The following SLF2 variants were observed in gnomAD, a reference collection of about 807,000 sequenced individuals.
SLF2 encodes the protein SMC5-SMC6 complex localization factor protein 2.
A neutral mutation model predicts 124.3 loss-of-function variants in SLF2; 68 were observed. The observed-to-expected ratio is 0.55, with a 90% CI of 0.45 to 0.67. SLF2 has a LOEUF of 0.67. SLF2 is among the 30% of genes least tolerant of loss of function. The probability of loss-of-function intolerance (pLI) is 0.00; values close to 1 mark genes in which losing one functional copy is unlikely to be tolerated. For missense variants in SLF2, 1,246 were observed against 1,373.7 expected, an observed-to-expected ratio of 0.91 and a Z score of 1.47; for synonymous variants, 480 against 478.8, an observed-to-expected ratio of 1.00 and a Z score of -0.03.
In SLF2 at chr10:100,913,027, T is replaced by C. The variant is rs1379542932; in HGVS notation, c.-84T>C. 8 of 1,489,806 alleles carry C rather than the reference T, an allele frequency of 5.4e-6. No homozygotes were observed. The African/African-American group carries it at 8.3e-5, about 16-fold the overall frequency. The allele number at this position is 1,489,806 out of a possible 1,614,324, so 92.3% of individuals were successfully genotyped here. A position where few individuals can be genotyped will look rare whatever the true frequency, so the allele number is the denominator to read the frequency against. ...GCCGCCCACCTCTGCTCCGACAGCCTCCCGGAGTCCCAGCAGCAAGACGGC... is the reference window on the plus strand; with the variant it reads ...GCCGCCCACCTCTGCTCCGACAGCCCCCCGGAGTCCCAGCAGCAAGACGGC... On this transcript the variant is annotated 5_prime_UTR_variant, in exon 1 of 20. Coordinates refer to ENST00000238961, the MANE Select transcript of SLF2 (RefSeq NM_018121.4).
chr10:100,941,988 T>C (rs1047666652), intron 11 of SLF2, among the ~76,000 whole-genome samples: 1 of 152,200 alleles, frequency 6.6e-6, no homozygotes, highest in African/African-American at 2.4e-5. Context: ...TGCAAAGGTA[T>C]GTAATATACT....
chr10:100,924,331 T>C lies in SLF2; in HGVS notation c.1330T>C (p.Ser444Pro). ...TKMQKPHLPLSQEKSAIKKAS... is the reference protein window; with the variant it reads ...TKMQKPHLPLPQEKSAIKKAS... ...GATGCAGAAACCCCACTTACCTTTA[T>C]CTCAGGAAAAGTCTGCAATTAAAAA... Residue 444 changes from serine to proline, a missense_variant, in exon 5 of 20, where the codon TCT (serine) becomes CCT (proline). Coordinates refer to ENST00000238961, the MANE Select transcript of SLF2 (RefSeq NM_018121.4). 6.2e-7 allele frequency: 1 copy of C among 1,613,982 alleles called. No individual in the cohort carries two copies. Among genetic ancestry groups the C allele is most frequent in the Non-Finnish European group, 8.5e-7 (1 of 1,179,992 alleles).
In SLF2 at chr10:100,957,443, C is replaced by T. The variant is rs368813012; in HGVS notation, c.3417+906C>T. The stretch of plus-strand genomic sequence containing the variant: ...TCGACTCACTGCAACCCCCGCCTTC[C>T]AGGTTCAAGCGATTCTCCTGCCTCA... On this transcript the variant is annotated intron_variant, in intron 18 of 19. Coordinates refer to ENST00000238961, the MANE Select transcript of SLF2 (RefSeq NM_018121.4). Among the ~76,000 whole-genome samples the T allele has an allele frequency of 3.0e-3, 428 of 143,828 alleles. 3 individuals carry two copies. Among genetic ancestry groups the T allele is most frequent in the South Asian group, 0.015 (68 of 4,542 alleles). 94.4% of individuals were successfully genotyped at this position (143,828 alleles called of 152,430 possible).
At chr10:100,959,565 GAAATA>G in intron 19 of SLF2, 69 bp downstream of exon 19, 1 of 1,558,282 alleles carries the variant, frequency 6.4e-7, no homozygotes, top group South Asian at 1.2e-5. Context: ...CATACTGTTT[GAAATA>G]AAATAGGGTA....
intron 9 of SLF2, among the ~76,000 whole-genome samples, chr10:100,933,433 G>A (rs544338964): frequency 3.9e-5 from 6 of 152,076 alleles, no homozygotes; most frequent in Non-Finnish European, 8.8e-5. Context: ...TTACCAACTT[G>A]TAAGTAGTTT....
chr10:100,924,514 C>T lies in SLF2; in HGVS notation c.1513C>T (p.Arg505Cys), dbSNP rs768665335. The part of the protein sequence containing the change: ...ALPVSKKDKE[R>C]SSSKECSGHS... ...TCCAGTTTCTAAAAAAGATAAAGAG[C>T]GTTCCTCATCTAAAGAATGTTCTGG... Residue 505 changes from arginine to cysteine, a missense_variant, in exon 5 of 20, where the codon CGT (arginine) becomes TGT (cysteine). Arg to Cys is a radical substitution (Grantham distance 180). Coordinates refer to ENST00000238961, the MANE Select transcript of SLF2 (RefSeq NM_018121.4). The T allele has an allele frequency of 4.3e-6, 7 of 1,613,968 alleles. No individual in the cohort carries two copies. Among genetic ancestry groups the T allele is most frequent in the Admixed American group, 1.7e-5 (1 of 60,002 alleles).
At chr10:100,937,584 A>G (rs1468599585) in intron 10 of SLF2, 107 bp downstream of exon 10, 2 of 779,232 alleles carry the variant, frequency 2.6e-6, no homozygotes, top group Non-Finnish European at 4.2e-6. Flanking sequence ...ATACAATACA[A>G]AATTATTTTT....
rs987756502 is a variant in SLF2 at position 100,913,255 on chromosome 10, C to G, written c.140+5C>G. ...AACAGAGAGTCCTGGGGACAGGTACCGTGCAGAGGGCTTGAGAAGGGGCCG... is the reference window on the plus strand; with the variant it reads ...AACAGAGAGTCCTGGGGACAGGTACGGTGCAGAGGGCTTGAGAAGGGGCCG... On this transcript the variant is annotated splice_donor_5th_base_variant and intron_variant, in intron 1 of 19. Coordinates refer to ENST00000238961, the MANE Select transcript of SLF2 (RefSeq NM_018121.4). 10 of 1,590,658 alleles carry G rather than the reference C, an allele frequency of 6.3e-6. No homozygotes were observed. In the Admixed American group the frequency reaches 8.7e-5, roughly 14 times the overall value.
Position 100,964,712 on chromosome 10 carries a change from TTGG to T in SLF2, c.*2804_*2806del, listed in dbSNP as rs543383698. 6 of 152,586 alleles carry T rather than the reference TTGG, an allele frequency of 3.9e-5. No individual in the cohort carries two copies. The East Asian group carries it at 1.2e-3, about 29-fold the overall frequency. 9.5% of individuals were successfully genotyped at this position (152,586 alleles called of 1,614,324 possible). Reference sequence around the variant, plus strand: ...TTTATTTTTATCAAAACAAATATAATTGGTGGGGACTGGCCAGTAATAATGTGT... The same window carrying T: ...TTTATTTTTATCAAAACAAATATAATTGGGGACTGGCCAGTAATAATGTGT... On this transcript the variant is annotated 3_prime_UTR_variant, in exon 20 of 20. Transcript: ENST00000238961.
At position 100,938,711 on chromosome 10, in the gene SLF2, C is replaced by T; in HGVS notation, c.2629C>T (p.Pro877Ser). The T allele has an allele frequency of 1.2e-6, 2 of 1,612,282 alleles. No individual in the cohort carries two copies. The highest frequency in any genetic ancestry group is 1.7e-6 in the Non-Finnish European group (2 of 1,179,446). ...TTTGTTTCCCCTGGAGAATCTTCAG[C>T]CAGACTTTAATGAAGACTATCTAGT... is the stretch of plus-strand genomic sequence containing the variant. ...RSLFPLENLQPDFNEDYLVSE... is the reference protein window; with the variant it reads ...RSLFPLENLQSDFNEDYLVSE... Residue 877 changes from proline to serine, a missense_variant, in exon 11 of 20, where the codon CCA (proline) becomes TCA (serine). Physicochemically the swap from Pro to Ser is moderately conservative, Grantham distance 74. This residue lies in a region of SLF2 where 535 missense variants were observed against 632.8 expected (regional missense o/e 0.85). Coordinates refer to ENST00000238961, the MANE Select transcript of SLF2 (RefSeq NM_018121.4).
At chr10:100,957,238 T>C (rs987113098) in intron 18 of SLF2, among the ~76,000 whole-genome samples, 1 of 152,080 alleles carries the variant, frequency 6.6e-6, no homozygotes, top group Non-Finnish European at 1.5e-5. Context: ...TTTATGATGG[T>C]TGAAAACTTG....
At chr10:100,926,187 CT>C in intron 6 of SLF2, 168 bp downstream of exon 6, 1 of 1,550,808 alleles carries the variant, frequency 6.4e-7, no homozygotes, top group South Asian at 1.2e-5. Flanking sequence ...TGGCTCATGC[CT>C]GTAATCACAA....
At chr10:100,952,491 G>C (rs1486614657) in intron 17 of SLF2, among the ~76,000 whole-genome samples, 2 of 150,292 alleles carry the variant, frequency 1.3e-5, no homozygotes, top group Non-Finnish European at 2.9e-5. Flanking sequence ...AGGTTGCAGT[G>C]AGCTGAGATC....
intron 15 of SLF2, among the ~76,000 whole-genome samples, chr10:100,949,318 T>C (rs1377714602): frequency 6.6e-6 from 1 of 152,206 alleles, no homozygotes; most frequent in African/African-American, 2.4e-5. Context: ...ACTTTTTCCT[T>C]TTTTGCCCAT....
At chr10:100,923,906 G>C in intron 4 of SLF2, 69 bp from the exon 5 acceptor site, 1 of 1,278,626 alleles carries the variant, frequency 7.8e-7, no homozygotes, top group Admixed American at 3.0e-5. Flanking sequence ...GGGTGTTCTA[G>C]ACACTGAATA....
chr10:100,923,184 A>G (rs1427824724), intron 4 of SLF2, among the ~76,000 whole-genome samples: 1 of 152,228 alleles, frequency 6.6e-6, no homozygotes, highest in African/African-American at 2.4e-5. Flanking sequence ...TAGGGCTGCC[A>G]TAACAAAGTG....
rs758519774 is a variant in SLF2 at position 100,926,139 on chromosome 10, T to C, written c.2042+120T>C. ...TTAGCGTGCATTTTGGACTCTGTTG[T>C]CAACTGTGTTAGAATAAGATATGTT... On this transcript the variant is annotated intron_variant, in intron 6 of 19. Coordinates refer to ENST00000238961, the MANE Select transcript of SLF2 (RefSeq NM_018121.4). 1.4e-5 allele frequency: 22 copies of C among 1,571,604 alleles called. No homozygotes were observed. In the Middle Eastern group the frequency reaches 5.0e-4, roughly 36 times the overall value.
chr10:100,957,798 A>T (rs1244067642), intron 18 of SLF2, among the ~76,000 whole-genome samples: 5 of 152,268 alleles, frequency 3.3e-5, no homozygotes, highest in East Asian at 3.9e-4. Flanking sequence ...ATATATGAGT[A>T]TGGAGTAGGA....
At chr10:100,923,230 T>C (rs1849552285) in intron 4 of SLF2, among the ~76,000 whole-genome samples, 1 of 152,194 alleles carries the variant, frequency 6.6e-6, no homozygotes, top group South Asian at 2.1e-4. Flanking sequence ...CAGGAATTAT[T>C]GTTTCACAGT....
Sources: allele counts gnomAD v4.1 joint callset (sites outside exome capture counted in the v4.1 genomes callset), GRCh38; gene constraint gnomAD v4.1.1; regional missense constraint gnomAD v4.1.1; transcripts MANE v1.5; gene names NCBI Gene and HGNC (gene_info 2026-07-23, HGNC 2026-07-21).